Variants in SMARCB1 observed in about 807,000 individuals in gnomAD.
SMARCB1 encodes SWI/SNF related BAF chromatin remodeling complex subunit B1, also known as SWI/SNF-related matrix-associated actin-dependent regulator of chromatin subfamily B member 1.
In SMARCB1, 5 loss-of-function variants were observed where a neutral mutation model predicts 49.0. The ratio of observed to expected loss-of-function variants is 0.10; its 90% confidence interval spans 0.05 to 0.21. SMARCB1 has a LOEUF of 0.21. SMARCB1 is among the 10% of genes least tolerant of loss of function. SMARCB1 has a pLI of 1.00. For synonymous variants in SMARCB1, 201 were observed against 200.1 expected, an observed-to-expected ratio of 1.00 and a Z score of -0.04; for missense variants, 226 against 509.2, an observed-to-expected ratio of 0.44 and a Z score of 5.35.
chr22:23,835,841 G>A lies in SMARCB1; in HGVS notation c.*1661G>A. 3.0e-6 allele frequency: 3 copies of A among 984,740 alleles called. No homozygotes were observed. Among genetic ancestry groups the A allele is most frequent in the Non-Finnish European group, 3.6e-6 (3 of 829,756 alleles). 61.0% of individuals were successfully genotyped at this position (984,740 alleles called of 1,614,324 possible). On this transcript the variant is annotated 3_prime_UTR_variant, in exon 9 of 9. Coordinates refer to ENST00000644036, the MANE Select transcript of SMARCB1 (RefSeq NM_003073.5). ...AGGTCGGGCAGGGCCACCTGGCTGG[G>A]AGGTGCCGGGAAGGCTGGGCCCTCA...
chr22:23,829,800 C>T (rs1330194007), intron 7 of SMARCB1, among the ~76,000 whole-genome samples: 1 of 152,336 alleles, frequency 6.6e-6, no homozygotes, highest in East Asian at 1.9e-4. Flanking sequence ...CATCACCCCA[C>T]TGCAGGCAGT....
intron 2 of SMARCB1, chr22:23,793,283 G>A (rs1162314691): frequency 5.9e-6 from 3 of 508,796 alleles, no homozygotes; most frequent in East Asian, 3.8e-5. Flanking sequence ...AGTTGCTGGT[G>A]CTGCCCTGAG....
chr22:23,796,799 C>T (rs1006572233), intron 3 of SMARCB1, among the ~76,000 whole-genome samples: 1 of 152,062 alleles, frequency 6.6e-6, no homozygotes, highest in African/African-American at 2.4e-5. Context: ...AGTGGAATCC[C>T]GTTGCCCTGG....
intron 5 of SMARCB1, among the ~76,000 whole-genome samples, chr22:23,807,752 CT>C (rs1304756176): frequency 1.3e-5 from 2 of 151,624 alleles, no homozygotes; most frequent in Non-Finnish European, 2.9e-5. Flanking sequence ...GACAACTTAC[CT>C]GTAGGGAAAA....
intron 6 of SMARCB1, chr22:23,824,939 G>A (rs1425882787): frequency 7.5e-6 from 4 of 532,880 alleles, no homozygotes; most frequent in Non-Finnish European, 1.4e-5. Flanking sequence ...CAGGGCACAG[G>A]GGAGATGGGA....
At chr22:23,832,124 T>A (rs2030687508) in intron 7 of SMARCB1, among the ~76,000 whole-genome samples, 1 of 152,118 alleles carries the variant, frequency 6.6e-6, no homozygotes, top group African/African-American at 2.4e-5. Context: ...TGGAACGGGC[T>A]CACGGCTACT....
chr22:23,790,530 C>A (rs1416601954), intron 1 of SMARCB1, among the ~76,000 whole-genome samples: 1 of 151,804 alleles, frequency 6.6e-6, no homozygotes, highest in Non-Finnish European at 1.5e-5. Context: ...ACTCTTGTCT[C>A]TACAGATTTT....
chr22:23,811,088 G>A (rs1015133310), intron 5 of SMARCB1, among the ~76,000 whole-genome samples: 14 of 150,420 alleles, frequency 9.3e-5, no homozygotes, highest in African/African-American at 3.4e-4. Context: ...TCAAAGGAAA[G>A]CAGGAGTGAC....
chr22:23,806,660 G>A (rs978460932), intron 5 of SMARCB1, among the ~76,000 whole-genome samples: 14 of 152,116 alleles, frequency 9.2e-5, no homozygotes, highest in Non-Finnish European at 1.9e-4. Context: ...GGTGGCTCAC[G>A]CCTGTAATCC....
intron 3 of SMARCB1, among the ~76,000 whole-genome samples, chr22:23,797,087 C>T (rs9624327): frequency 0.17 from 24,526 of 145,572 alleles, 2,226 homozygotes; most frequent in Middle Eastern, 0.25. Flanking sequence ...AGGCTCCGCC[C>T]CCTGGGGTTC....
intron 5 of SMARCB1, 55 bp from the exon 6 acceptor site, chr22:23,816,715 T>G (rs1930214423): frequency 6.6e-7 from 1 of 1,516,510 alleles, no homozygotes; most frequent in East Asian, 2.2e-5. Context: ...GGGAGGCCGG[T>G]CCATGCCCAA....
chr22:23,827,827 C>T (rs1056932749), intron 7 of SMARCB1, among the ~76,000 whole-genome samples: 4 of 152,126 alleles, frequency 2.6e-5, no homozygotes, highest in Admixed American at 6.5e-5. Context: ...GACTCCAACT[C>T]GCGTTCCCCC....
At chr22:23,811,075 TAATC>T (rs1199767024) in intron 5 of SMARCB1, among the ~76,000 whole-genome samples, 1 of 148,876 alleles carries the variant, frequency 6.7e-6, no homozygotes, top group African/African-American at 2.5e-5. Context: ...GATAAAACGT[TAATC>T]AAAGGAAAGC....
chr22:23,834,951 T>C lies in SMARCB1; in HGVS notation c.*771T>C. The C allele has an allele frequency of 6.3e-7, 1 of 1,588,724 alleles. No individual in the cohort carries two copies. The highest frequency in any genetic ancestry group is 8.6e-7 in the Non-Finnish European group (1 of 1,169,214). ...AAGTCCCCTGCGGAGGGCCCAGTCC[T>C]GTGTGGGCACTGCTGGGCTGTCGCC... On this transcript the variant is annotated 3_prime_UTR_variant, in exon 9 of 9. Coordinates refer to ENST00000644036, the MANE Select transcript of SMARCB1 (RefSeq NM_003073.5).
chr22:23,834,845 C>T lies in SMARCB1; in HGVS notation c.*665C>T. 3 of 1,612,214 alleles carry T rather than the reference C, an allele frequency of 1.9e-6. No individual in the cohort carries two copies. The highest frequency in any genetic ancestry group is 2.2e-5 in the East Asian group (1 of 44,878). ...CTTGGCCTCAGGAAGGTGCCGCGAG[C>T]TCTCCTGCCGTCCCTGGGCCGCCCT... On this transcript the variant is annotated 3_prime_UTR_variant, in exon 9 of 9. Coordinates refer to ENST00000644036, the MANE Select transcript of SMARCB1 (RefSeq NM_003073.5).
intron 5 of SMARCB1, 37 bp downstream of exon 5, chr22:23,803,459 A>G (rs1425097837): frequency 6.2e-7 from 1 of 1,612,174 alleles, no homozygotes; most frequent in African/African-American, 1.3e-5. Context: ...CCTGGCCCCA[A>G]CCCCTGTGTG....
At chr22:23,816,035 C>T (rs35359945) in intron 5 of SMARCB1, 2,326 of 153,214 alleles carry the variant, frequency 0.015, 34 homozygotes, top group Non-Finnish European at 0.022. Flanking sequence ...TCTGTTAGGC[C>T]GACCTGCTTC....
At chr22:23,822,084 G>A (rs2030117863) in intron 6 of SMARCB1, among the ~76,000 whole-genome samples, 1 of 152,216 alleles carries the variant, frequency 6.6e-6, no homozygotes, top group Admixed American at 6.5e-5. Context: ...TTGGAGCCAT[G>A]GCACATGAGG....
chr22:23,810,777 C>T (rs567325929), intron 5 of SMARCB1, among the ~76,000 whole-genome samples: 20 of 151,964 alleles, frequency 1.3e-4, no homozygotes, highest in Admixed American at 2.6e-4. Context: ...TGCCTGTAAT[C>T]GCGGCATTTT....
Sources: allele counts gnomAD v4.1 joint callset (sites outside exome capture counted in the v4.1 genomes callset), GRCh38; gene constraint gnomAD v4.1.1; transcripts MANE v1.5; gene names NCBI Gene and HGNC (gene_info 2026-07-23, HGNC 2026-07-21).